PIK3C2G: variants seen among roughly 807,000 people sequenced by gnomAD.
The protein encoded by PIK3C2G is phosphatidylinositol-4-phosphate 3-kinase catalytic subunit type 2 gamma, also known as phosphatidylinositol 3-kinase C2 domain-containing subunit gamma.
PIK3C2G carries 168 observed loss-of-function variants against 181.1 expected under a neutral mutation model. The observed-to-expected ratio is 0.93, with a 90% CI of 0.82 to 1.05. The LOEUF (loss-of-function observed/expected upper bound fraction) is 1.05, where lower values mean the gene tolerates loss of function less well. Among genes scored for constraint, PIK3C2G ranks in the 50% least tolerant of loss-of-function variants. The pLI is 0.00. For synonymous variants in PIK3C2G, 573 were observed against 592.2 expected (o/e 0.97, Z 0.47); for missense variants, 1,869 against 1,732.8 (o/e 1.08, Z -1.40).
chr12:18,304,828 A>G (rs1476660559), intron 5 of PIK3C2G, among the ~76,000 whole-genome samples: 6 of 152,198 alleles, frequency 3.9e-5, no homozygotes, highest in Non-Finnish European at 7.3e-5. Flanking sequence ...ACAGCCTAAG[A>G]CTTCAAATAT....
At chr12:18,428,631 T>C (rs1208204489) in intron 18 of PIK3C2G, among the ~76,000 whole-genome samples, 2 of 152,188 alleles carry the variant, frequency 1.3e-5, no homozygotes, top group Non-Finnish European at 2.9e-5. Context: ...AAGATTGGAA[T>C]GAAAACCATC....
chr12:18,528,688 T>G (rs1463842013), intron 24 of PIK3C2G, among the ~76,000 whole-genome samples: 2 of 152,208 alleles, frequency 1.3e-5, no homozygotes, highest in African/African-American at 4.8e-5. Flanking sequence ...TAGAGTTCTA[T>G]CTTTTCATTC....
rs117133004 is a variant in PIK3C2G at position 18,313,338 on chromosome 12, T to C, written c.1035-624T>C. Among the ~76,000 whole-genome samples, 41 of 152,198 alleles carry C rather than the reference T, an allele frequency of 2.7e-4. No homozygotes were observed. The East Asian group carries it at 7.3e-3, about 27-fold the overall frequency. On this transcript the variant is annotated intron_variant, in intron 5 of 32. Coordinates refer to ENST00000538779, the MANE Select transcript of PIK3C2G (RefSeq NM_001288772.2). ...ACAGTGCCAGTAGAAATTTCTGAAA[T>C]AGGTATAATTCTTTTGTTTATTCTG... is the stretch of plus-strand genomic sequence containing the variant.
rs553387067 is a variant in PIK3C2G, at chr12:18,254,157, C to T, written c.-79+6075C>T. 2.0e-5 allele frequency among the ~76,000 whole-genome samples: 3 copies of T among 151,942 alleles called. No individual in the cohort carries two copies. In the East Asian group the frequency reaches 5.8e-4, roughly 29 times the overall value. Reference sequence around the variant, plus strand: ...GAGTTAGAAGAATTTAAAAACCAACCCTCTATTTTTGTGTACTTTGTATTA... The same window carrying T: ...GAGTTAGAAGAATTTAAAAACCAACTCTCTATTTTTGTGTACTTTGTATTA... On this transcript the variant is annotated intron_variant, in intron 1 of 11. Transcript: ENST00000535651.
At chr12:18,721,653 C>A in the PIK3C2G span, among the ~76,000 whole-genome samples, 1 of 149,230 alleles carries the variant, frequency 6.7e-6, no homozygotes, top group Non-Finnish European at 1.5e-5. Context: ...TTGGCAATGA[C>A]ATAAAGAGCT....
Position 18,381,886 on chromosome 12 carries a change from T to C in PIK3C2G, c.1995+6T>C, listed in dbSNP as rs777425281. ...CATCCCCGGTGACCCTGCAGGTAAG[T>C]GCCAGGCTAAAAGATTAAAGTACAC... On this transcript the variant is annotated splice_donor_region_variant and intron_variant, in intron 14 of 32. Coordinates refer to ENST00000538779, the MANE Select transcript of PIK3C2G (RefSeq NM_001288772.2). 6.5e-6 allele frequency: 10 copies of C among 1,541,918 alleles called. No individual in the cohort carries two copies. In the South Asian group the frequency reaches 1.1e-4, roughly 17 times the overall value.
chr12:18,303,152 C>CTT (rs1323074371), intron 5 of PIK3C2G, among the ~76,000 whole-genome samples: 70 of 72,684 alleles, frequency 9.6e-4, no homozygotes, highest in East Asian at 7.2e-3. Flanking sequence ...TCTTTTCTTT[C>CTT]TTCTTTCTCT....
At chr12:18,585,741 A>G (rs1946739929) in intron 29 of PIK3C2G, among the ~76,000 whole-genome samples, 1 of 152,216 alleles carries the variant, frequency 6.6e-6, no homozygotes, top group Non-Finnish European at 1.5e-5. Context: ...ACAACAGAAC[A>G]TACATTTTTC....
At chr12:18,612,743 A>G (rs1230856930) in intron 31 of PIK3C2G, among the ~76,000 whole-genome samples, 3 of 152,124 alleles carry the variant, frequency 2.0e-5, no homozygotes, top group African/African-American at 7.2e-5. Flanking sequence ...AATTAGACTA[A>G]CATTGTGCTG....
intron 24 of PIK3C2G, among the ~76,000 whole-genome samples, chr12:18,518,319 C>G (rs900940690): frequency 6.6e-6 from 1 of 152,144 alleles, no homozygotes. Context: ...GGTATCAGCT[C>G]CTCTTTGTAC....
chr12:18,533,370 G>T (rs1468385850), intron 24 of PIK3C2G, among the ~76,000 whole-genome samples: 1 of 152,026 alleles, frequency 6.6e-6, no homozygotes, highest in African/African-American at 2.4e-5. Flanking sequence ...AGTTCTTCTT[G>T]GCACCTCTTC....
At chr12:18,440,856 A>G (rs906882208) in intron 18 of PIK3C2G, among the ~76,000 whole-genome samples, 2 of 152,284 alleles carry the variant, frequency 1.3e-5, no homozygotes, top group East Asian at 1.9e-4. Context: ...GTTTTGATCT[A>G]TTGAAGTGTG....
chr12:18,519,330 C>G (rs1942760579), intron 24 of PIK3C2G, among the ~76,000 whole-genome samples: 1 of 152,070 alleles, frequency 6.6e-6, no homozygotes, highest in South Asian at 2.1e-4. Context: ...GTTAAAGTAT[C>G]CCACTATTAT....
chr12:18,572,989 A>T (rs906957110), intron 29 of PIK3C2G, among the ~76,000 whole-genome samples: 1 of 152,158 alleles, frequency 6.6e-6, no homozygotes, highest in Non-Finnish European at 1.5e-5. Flanking sequence ...TATATCTGCA[A>T]ATAGTAAGCA....
At chr12:18,273,029 C>A (rs1049229645) in intron 1 of PIK3C2G, among the ~76,000 whole-genome samples, 5 of 138,706 alleles carry the variant, frequency 3.6e-5, no homozygotes, top group Non-Finnish European at 8.2e-5. Context: ...CACACAAACA[C>A]ACACACACAG....
intron 5 of PIK3C2G, among the ~76,000 whole-genome samples, chr12:18,296,695 A>G (rs911771046): frequency 6.6e-6 from 1 of 152,104 alleles, no homozygotes; most frequent in African/African-American, 2.4e-5. Flanking sequence ...TCTCTCAATT[A>G]AAATATCCCG....
chr12:18,427,503 A>AG (rs1945899023), intron 18 of PIK3C2G, among the ~76,000 whole-genome samples: 1 of 149,072 alleles, frequency 6.7e-6, no homozygotes, highest in Admixed American at 6.7e-5. Context: ...ACTCCATTAA[A>AG]AAAAAAAAAA....
At chr12:18,250,177 T>C (rs1002450456) in intron 1 of PIK3C2G, among the ~76,000 whole-genome samples, 15 of 152,030 alleles carry the variant, frequency 9.9e-5, no homozygotes, top group African/African-American at 3.6e-4. Context: ...ATGGTGAAAA[T>C]AGATTTATAC....
chr12:18,457,015 A>G (rs1947664588), intron 18 of PIK3C2G, among the ~76,000 whole-genome samples: 1 of 152,030 alleles, frequency 6.6e-6, no homozygotes, highest in African/African-American at 2.4e-5. Context: ...GAAACCATCA[A>G]AAAAAATGGT....
Sources: gnomAD v4.1 joint callset for allele counts (sites outside exome capture counted in the v4.1 genomes callset) on GRCh38, gnomAD v4.1.1 for gene constraint, MANE v1.5 for transcripts, NCBI Gene and HGNC (gene_info 2026-07-23, HGNC 2026-07-21) for gene names.